The following ANO6 variants were observed in gnomAD, a reference collection of about 807,000 sequenced individuals.
The protein encoded by ANO6 is anoctamin-6.
Under a neutral mutation model 117.5 loss-of-function variants are expected in ANO6, and 106 were observed. The observed-to-expected ratio is 0.90, with a 90% CI of 0.77 to 1.06. The LOEUF (loss-of-function observed/expected upper bound fraction) is 1.06. Ranked by LOEUF, ANO6 falls within the 50% of genes least tolerant of loss-of-function variation. The pLI is 0.00. For missense variants in ANO6, 955 were observed against 1,121.1 expected, an observed-to-expected ratio of 0.85 and a Z score of 2.12; for synonymous variants, 367 against 385.1, an observed-to-expected ratio of 0.95 and a Z score of 0.55.
rs981646143 is a variant in ANO6 at position 45,367,394 on chromosome 12, T to C, written c.999-294T>C. Among the ~76,000 whole-genome samples, 10 of 152,224 alleles carry C rather than the reference T, an allele frequency of 6.6e-5. No homozygotes were observed. In the East Asian group the frequency reaches 1.7e-3, roughly 26 times the overall value. ...AGTTCTCTTTCTTCCTGGCCTATCC[T>C]TGTGGCCTTATTTTACTTGACATAC... On this transcript the variant is annotated intron_variant, in intron 8 of 19. Transcript: ENST00000320560.
chr12:45,424,442 A>G (rs953543858), intron 19 of ANO6, among the ~76,000 whole-genome samples: 3 of 148,528 alleles, frequency 2.0e-5, no homozygotes, highest in African/African-American at 5.0e-5. Flanking sequence ...GGTTCAGCCA[A>G]TTCTCCTGCC....
intron 12 of ANO6, among the ~76,000 whole-genome samples, chr12:45,396,627 C>G (rs1942622370): frequency 6.6e-6 from 1 of 152,114 alleles, no homozygotes; most frequent in Non-Finnish European, 1.5e-5. Flanking sequence ...GTACTGGTAC[C>G]AAAACAGAGA....
At chr12:45,256,437 A>T (rs78816797) in intron 1 of ANO6, 1 of 152,142 alleles carries the variant, frequency 6.6e-6, no homozygotes, top group African/African-American at 2.4e-5. Context: ...TTTGATTGTT[A>T]CTACTGTTAA....
intron 3 of ANO6, among the ~76,000 whole-genome samples, chr12:45,340,319 C>T (rs913467102): frequency 1.2e-4 from 19 of 152,066 alleles, no homozygotes; most frequent in Non-Finnish European, 2.4e-4. Context: ...CCTCCAGTAC[C>T]ATTCTCCACC....
chr12:45,329,602 G>A (rs565417890), intron 2 of ANO6, among the ~76,000 whole-genome samples: 4 of 152,048 alleles, frequency 2.6e-5, no homozygotes, highest in South Asian at 4.1e-4. Flanking sequence ...CTTAACTTCC[G>A]TGAGCTCCTG....
intron 9 of ANO6, among the ~76,000 whole-genome samples, chr12:45,377,773 G>C (rs1942067690): frequency 6.6e-6 from 1 of 152,210 alleles, no homozygotes; most frequent in Non-Finnish European, 1.5e-5. Flanking sequence ...AAACACAGTG[G>C]AATTCTAGGA....
At chr12:45,403,283 GTTTTC>G (rs1290783134) in intron 14 of ANO6, 42 bp downstream of exon 14, 1 of 1,601,556 alleles carries the variant, frequency 6.2e-7, no homozygotes, top group South Asian at 1.1e-5. Flanking sequence ...TTTAAGCTGA[GTTTTC>G]TCTCAGTTGC....
At chr12:45,259,640 C>G (rs1013792377) in intron 1 of ANO6, among the ~76,000 whole-genome samples, 4 of 152,210 alleles carry the variant, frequency 2.6e-5, no homozygotes, top group African/African-American at 9.7e-5. Flanking sequence ...TTTCAGCAAA[C>G]AGGCTTATTC....
downstream of ANO6, among the ~76,000 whole-genome samples, chr12:45,434,632 A>C (rs1943687028): frequency 6.6e-6 from 1 of 152,170 alleles, no homozygotes; most frequent in Non-Finnish European, 1.5e-5. Flanking sequence ...CAATTAAACA[A>C]AGGGAAATCT....
chr12:45,297,182 C>A (rs188133575), intron 1 of ANO6, among the ~76,000 whole-genome samples: 18 of 152,268 alleles, frequency 1.2e-4, no homozygotes, highest in African/African-American at 4.1e-4. Context: ...TGCTCTCTCT[C>A]TATATATTCA....
chr12:45,277,288 G>C (rs1224098910), intron 1 of ANO6, among the ~76,000 whole-genome samples: 1 of 152,134 alleles, frequency 6.6e-6, no homozygotes, highest in East Asian at 1.9e-4. Context: ...TCTGGAGACT[G>C]TACAGCAGAT....
intron 1 of ANO6, among the ~76,000 whole-genome samples, chr12:45,231,934 G>A (rs1027676371): frequency 6.6e-6 from 1 of 152,002 alleles, no homozygotes; most frequent in African/African-American, 2.4e-5. Context: ...ATACTTATTT[G>A]GAAGAGTTCA....
intron 1 of ANO6, among the ~76,000 whole-genome samples, chr12:45,276,256 C>G (rs567116471): frequency 6.6e-6 from 1 of 152,186 alleles, no homozygotes; most frequent in African/African-American, 2.4e-5. Context: ...AGGCCAGCTT[C>G]GTCACCTGGA....
intron 1 of ANO6, among the ~76,000 whole-genome samples, chr12:45,287,909 C>G (rs572118657): frequency 3.9e-5 from 6 of 152,204 alleles, no homozygotes; most frequent in African/African-American, 1.4e-4. Flanking sequence ...CCATATAAGT[C>G]TTAGATCATA....
At chr12:45,385,960 AT>A (rs1370646077) in intron 10 of ANO6, among the ~76,000 whole-genome samples, 1 of 152,168 alleles carries the variant, frequency 6.6e-6, no homozygotes, top group African/African-American at 2.4e-5. Flanking sequence ...TGCCTCCTGC[AT>A]TTCAGGCTGC....
At chr12:45,345,184 T>C (rs1941095400) in intron 3 of ANO6, among the ~76,000 whole-genome samples, 1 of 152,198 alleles carries the variant, frequency 6.6e-6, no homozygotes, top group South Asian at 2.1e-4. Flanking sequence ...TGTACAACCA[T>C]TTATTAAAGA....
Position 45,292,938 on chromosome 12 carries a change from A to G in ANO6, c.71-9076A>G. 3.2e-6 allele frequency: 5 copies of G among 1,551,434 alleles called. No individual in the cohort carries two copies. The Admixed American group carries it at 5.9e-5, about 18-fold the overall frequency. On this transcript the variant is annotated intron_variant, in intron 1 of 19. Coordinates refer to ENST00000320560, the MANE Select transcript of ANO6 (RefSeq NM_001025356.3). Reference sequence around the variant, plus strand: ...TGTGGAATGTTTTGTGCTGCTGGTAAGAACATGTTCCTATTTGGTGAGTTG... The same window carrying G: ...TGTGGAATGTTTTGTGCTGCTGGTAGGAACATGTTCCTATTTGGTGAGTTG...
chr12:45,265,001 G>C (rs1254090221), intron 1 of ANO6, among the ~76,000 whole-genome samples: 2 of 152,128 alleles, frequency 1.3e-5, no homozygotes, highest in Non-Finnish European at 2.9e-5. Flanking sequence ...GAGTTATCAG[G>C]CTCTGTCATT....
At chr12:45,309,567 T>A (rs1488329855) in intron 2 of ANO6, among the ~76,000 whole-genome samples, 4 of 148,330 alleles carry the variant, frequency 2.7e-5, no homozygotes, top group African/African-American at 9.9e-5. Context: ...TATTTTCACC[T>A]TTTTTTTTTT....
Sources: allele counts gnomAD v4.1 joint callset (sites outside exome capture counted in the v4.1 genomes callset), GRCh38; gene constraint gnomAD v4.1.1; transcripts MANE v1.5; gene names NCBI Gene and HGNC (gene_info 2026-07-23, HGNC 2026-07-21).